The following CCDC93 variants were observed in gnomAD, a reference collection of about 807,000 sequenced individuals.
CCDC93 encodes CCC complex scaffolding subunit CCDC93, also known as coiled-coil domain-containing protein 93.
Under a neutral mutation model 108.2 loss-of-function variants are expected in CCDC93, and 61 were observed. The ratio of observed to expected loss-of-function variants is 0.56; its 90% CI spans 0.46 to 0.70. The LOEUF (loss-of-function observed/expected upper bound fraction) is 0.70. Among genes scored for constraint, CCDC93 ranks in the 30% least tolerant of loss-of-function variants. The pLI is 0.00. For missense variants in CCDC93, 685 were observed against 764.2 expected (o/e 0.90, Z 1.22); for synonymous variants, 276 against 260.4 (o/e 1.06, Z -0.58).
intron 22 of CCDC93, chr2:117,934,221 G>C (rs1573467643): frequency 6.6e-6 from 1 of 152,278 alleles, no homozygotes; most frequent in East Asian, 1.9e-4. Flanking sequence ...ATGAATTCCT[G>C]TTGTTCTTGA....
chr2:117,947,016 T>G, intron 15 of CCDC93, 134 bp from the exon 16 acceptor site: 1 of 679,630 alleles, frequency 1.5e-6, no homozygotes, highest in South Asian at 1.8e-5. Flanking sequence ...ATGAGGTAGC[T>G]GCCCTGATCT....
chr2:117,986,685 G>A (rs934201637), intron 6 of CCDC93, among the ~76,000 whole-genome samples: 4 of 151,908 alleles, frequency 2.6e-5, no homozygotes, highest in Non-Finnish European at 5.9e-5. Flanking sequence ...ATACAGTTTC[G>A]AGCATACAGA....
chr2:117,960,454 G>T (rs563152767), intron 11 of CCDC93, among the ~76,000 whole-genome samples: 33 of 152,350 alleles, frequency 2.2e-4, no homozygotes, highest in Non-Finnish European at 4.4e-4. Context: ...CATGGATTGG[G>T]TGATGTCTCT....
chr2:117,958,079 A>G (rs1318636757), intron 12 of CCDC93, among the ~76,000 whole-genome samples: 3 of 152,174 alleles, frequency 2.0e-5, no homozygotes, highest in Non-Finnish European at 2.9e-5. Flanking sequence ...TTCCTATGAC[A>G]GAAGTTAGCA....
chr2:117,945,580 G>T lies in CCDC93; in HGVS notation c.1299C>A (p.Thr433=). 6.2e-7 allele frequency: 1 copy of T among 1,613,038 alleles called. No homozygotes were observed. The highest frequency in any genetic ancestry group is 8.5e-7 in the Non-Finnish European group (1 of 1,179,122). ...AERAPRGDEK[T]LSSGEPPGTL... ...TACCAGGCGGCTCTCCACTGGAGAG[G>T]GTCTGAAACAATGAAAACATAATAA... Residue 433 remains threonine (T), a splice_region_variant and synonymous_variant, in exon 17 of 24, where the codon ACC becomes ACA. Coordinates refer to ENST00000376300, the MANE Select transcript of CCDC93 (RefSeq NM_019044.5).
At chr2:117,969,243 A>T (rs562320529) in intron 11 of CCDC93, among the ~76,000 whole-genome samples, 3 of 152,352 alleles carry the variant, frequency 2.0e-5, no homozygotes, top group Admixed American at 2.0e-4. Flanking sequence ...GGAGAGGCTC[A>T]TGTGACAAGG....
In CCDC93 at chr2:117,916,225, A is replaced by C. The variant is rs1444339351; in HGVS notation, c.*4118T>G. ...CCACTTCTTGGTTCACATGGCTGAG[A>C]CATTTCTGCCCATCAAGTTACCTTT... is the stretch of plus-strand genomic sequence containing the variant. On this transcript the variant is annotated 3_prime_UTR_variant, in exon 24 of 24. Transcript: ENST00000376300. 1 of 152,162 alleles carries C rather than the reference A, an allele frequency of 6.6e-6. No individual in the cohort carries two copies. The highest frequency in any genetic ancestry group is 1.5e-5 in the Non-Finnish European group (1 of 68,040). 9.4% of individuals were successfully genotyped at this position (152,162 alleles called of 1,614,324 possible).
chr2:117,992,320 G>A (rs1030191906), intron 6 of CCDC93, among the ~76,000 whole-genome samples: 2 of 152,180 alleles, frequency 1.3e-5, no homozygotes, highest in South Asian at 4.2e-4. Flanking sequence ...ACAGCTCACT[G>A]CAGCCTCAAC....
rs1006362884 is a variant in CCDC93 at position 117,947,933 on chromosome 2, A to G, written c.1224+172T>C. ...ATGGTCTCGATCTCCTGACCTCGTG[A>G]TCCGCCTGCCTTGGCTTCCCAAAGT... On this transcript the variant is annotated intron_variant, in intron 15 of 23. Coordinates refer to ENST00000376300, the MANE Select transcript of CCDC93 (RefSeq NM_019044.5). 5.0e-6 allele frequency: 3 copies of G among 596,438 alleles called. No individual in the cohort carries two copies. In the South Asian group the frequency reaches 5.9e-5, roughly 12 times the overall value. The allele number at this position is 596,438 out of a possible 1,614,324, so 36.9% of individuals were successfully genotyped here.
intron 11 of CCDC93, among the ~76,000 whole-genome samples, chr2:117,960,297 T>C (rs1679346329): frequency 6.6e-6 from 1 of 152,200 alleles, no homozygotes; most frequent in African/African-American, 2.4e-5. Context: ...TGCTTCAGTA[T>C]CCTGACCTCC....
At chr2:117,930,888 C>T (rs1678302484) in intron 23 of CCDC93, 149 bp downstream of exon 23, 1 of 571,758 alleles carries the variant, frequency 1.7e-6, no homozygotes, top group Non-Finnish European at 3.1e-6. Context: ...TACCTAGACG[C>T]CACACTTCAC....
chr2:117,996,159 T>A (rs1680639049), intron 5 of CCDC93, 105 bp downstream of exon 5: 2 of 657,160 alleles, frequency 3.0e-6, no homozygotes, highest in Admixed American at 5.2e-5. Context: ...CAAGTGGGGC[T>A]GAGAATGTAG....
At chr2:117,973,131 C>A (rs933737299) in intron 11 of CCDC93, among the ~76,000 whole-genome samples, 6 of 152,140 alleles carry the variant, frequency 3.9e-5, no homozygotes, top group African/African-American at 1.4e-4. Flanking sequence ...TTTTCCCTAA[C>A]TGTATCACCT....
rs780137457 is a variant in CCDC93, at chr2:117,958,373, G to A, written c.997C>T (p.Leu333Phe). Reference protein sequence around the residue: ...NKQIAQKTKHLEELRASHTSL... With the variant: ...NKQIAQKTKHFEELRASHTSL... ...GAAAAGAAAACACTGACCTCTTCAA[G>A]ATGTTTGGTCTTTTGCGCAATCTGT... Residue 333 changes from leucine (L) to phenylalanine (F), a missense_variant, in exon 12 of 24, where the codon CTT (leucine) becomes TTT (phenylalanine). Transcript: ENST00000376300. 3 of 1,592,250 alleles carry A rather than the reference G, an allele frequency of 1.9e-6. No individual in the cohort carries two copies. Among genetic ancestry groups the A allele is most frequent in the Non-Finnish European group, 2.6e-6 (3 of 1,160,012 alleles).
chr2:117,950,792 A>G lies in CCDC93; in HGVS notation c.1069-1397T>C, dbSNP rs1332166702. 1.1e-5 allele frequency: 11 copies of G among 985,294 alleles called. No individual in the cohort carries two copies. In the East Asian group the frequency reaches 4.5e-4, roughly 41 times the overall value. 61.0% of individuals were successfully genotyped at this position (985,294 alleles called of 1,614,324 possible). A position where few individuals can be genotyped will look rare whatever the true frequency, so the allele number is the denominator to read the frequency against. On this transcript the variant is annotated intron_variant, in intron 13 of 23. Coordinates refer to ENST00000376300, the MANE Select transcript of CCDC93 (RefSeq NM_019044.5). The stretch of plus-strand genomic sequence containing the variant: ...CTTCCCATTTTTCTAGATGGGAATT[A>G]GTCTGATTTTCCTATTAGATAGTAA...
Position 117,974,915 on chromosome 2 carries a change from G to C in CCDC93, c.751-15C>G, listed in dbSNP as rs767059212. The C allele has an allele frequency of 1.3e-6, 2 of 1,558,142 alleles. No individual in the cohort carries two copies. The highest frequency in any genetic ancestry group is 1.2e-5 in the South Asian group (1 of 84,678). ...TGAATACGCTGCTGAAAGAGGAATG[G>C]AAGGGAGCAGCAGTGAGTGGTTCTG... On this transcript the variant is annotated splice_polypyrimidine_tract_variant and intron_variant, in intron 9 of 23. Coordinates refer to ENST00000376300, the MANE Select transcript of CCDC93 (RefSeq NM_019044.5).
chr2:117,964,367 C>T (rs1679488331), intron 11 of CCDC93, among the ~76,000 whole-genome samples: 1 of 152,192 alleles, frequency 6.6e-6, no homozygotes, highest in African/African-American at 2.4e-5. Context: ...TTGAAAGCTG[C>T]TGTTGTTCCT....
chr2:117,973,778 T>C (rs2104780538), intron 11 of CCDC93, 130 bp downstream of exon 11: 3 of 708,568 alleles, frequency 4.2e-6, no homozygotes, highest in South Asian at 3.1e-5. Flanking sequence ...GCCCAGTGTG[T>C]TTCTGACTAA....
intron 7 of CCDC93, among the ~76,000 whole-genome samples, chr2:117,980,884 C>G (rs1318422425): frequency 6.6e-6 from 1 of 152,208 alleles, no homozygotes; most frequent in Non-Finnish European, 1.5e-5. Context: ...TTGGCTACCA[C>G]TGATCTACCT....
Sources: allele counts gnomAD v4.1 joint callset (sites outside exome capture counted in the v4.1 genomes callset), GRCh38; gene constraint gnomAD v4.1.1; transcripts MANE v1.5; gene names NCBI Gene and HGNC (gene_info 2026-07-23, HGNC 2026-07-21).